Variants in MCTP2 observed in about 807,000 individuals in gnomAD.
The protein encoded by MCTP2 is multiple C2 and transmembrane domain containing 2, also known as multiple C2 and transmembrane domain-containing protein 2.
In MCTP2, 132 loss-of-function variants were observed where a neutral mutation model predicts 111.6. The observed-to-expected ratio is 1.18, with a 90% CI of 1.03 to 1.37. MCTP2 has a LOEUF of 1.37. Ranked by LOEUF, MCTP2 falls within the 40% of genes most tolerant of loss-of-function variation. MCTP2 has a pLI of 0.00. For missense variants in MCTP2, 1,183 were observed against 1,067.9 expected (o/e 1.11, Z -1.50); for synonymous variants, 395 against 387.7 (o/e 1.02, Z -0.22).
chr15:94,360,779 TTTCCTGTTTA>T (rs1432618560), intron 10 of MCTP2, among the ~76,000 whole-genome samples: 2 of 152,114 alleles, frequency 1.3e-5, no homozygotes, highest in African/African-American at 4.8e-5. Context: ...ATTTTAGCTA[TTTCCTGTTTA>T]TAACCGAGAC....
At chr15:94,383,119 C>T (rs1198606762) in intron 12 of MCTP2, among the ~76,000 whole-genome samples, 1 of 152,100 alleles carries the variant, frequency 6.6e-6, no homozygotes, top group Non-Finnish European at 1.5e-5. Context: ...TTTTATGACA[C>T]CAGAAATGTA....
intron 1 of MCTP2, among the ~76,000 whole-genome samples, chr15:94,263,143 A>C (rs982878122): frequency 9.2e-5 from 14 of 152,222 alleles, no homozygotes; most frequent in Non-Finnish European, 1.6e-4. Flanking sequence ...TCATGACTTC[A>C]TAGTAGAATA....
At chr15:94,453,368 A>C (rs919982177) in intron 19 of MCTP2, among the ~76,000 whole-genome samples, 1 of 152,232 alleles carries the variant, frequency 6.6e-6, no homozygotes, top group Non-Finnish European at 1.5e-5. Flanking sequence ...ATAATAAAAC[A>C]AACTGCTCTC....
intron 2 of MCTP2, among the ~76,000 whole-genome samples, chr15:94,302,440 G>A (rs1002686585): frequency 1.3e-5 from 2 of 152,168 alleles, no homozygotes; most frequent in Non-Finnish European, 2.9e-5. Context: ...AGCATGAGGG[G>A]CAAGGAAGAA....
intron 1 of MCTP2, among the ~76,000 whole-genome samples, chr15:94,269,955 C>T (rs1384094784): frequency 6.6e-6 from 1 of 151,910 alleles, no homozygotes; most frequent in Non-Finnish European, 1.5e-5. Flanking sequence ...TATATTGTAA[C>T]ATTTTTTTTC....
intron 19 of MCTP2, among the ~76,000 whole-genome samples, chr15:94,452,551 AT>A (rs2084529375): frequency 6.6e-6 from 1 of 151,980 alleles, no homozygotes; most frequent in Non-Finnish European, 1.5e-5. Flanking sequence ...CTGATAAACT[AT>A]TTTTTTCCTG....
chr15:94,442,334 A>C (rs564012352), intron 18 of MCTP2, among the ~76,000 whole-genome samples: 1 of 152,348 alleles, frequency 6.6e-6, no homozygotes, highest in East Asian at 1.9e-4. Flanking sequence ...GTGCTGTGGC[A>C]CCTGAGCTAA....
chr15:94,251,590 G>T (rs1021925932), intron 1 of MCTP2, among the ~76,000 whole-genome samples: 2 of 152,080 alleles, frequency 1.3e-5, no homozygotes, highest in South Asian at 2.1e-4. Context: ...AACTCCCGAC[G>T]TCGGGTGATC....
intron 8 of MCTP2, among the ~76,000 whole-genome samples, chr15:94,350,342 C>T (rs527757793): frequency 2.6e-5 from 4 of 152,272 alleles, no homozygotes; most frequent in African/African-American, 7.2e-5. Flanking sequence ...AATCCCAGCA[C>T]TTTGGGAGGC....
At chr15:94,387,472 A>T (rs1379883975) in intron 14 of MCTP2, among the ~76,000 whole-genome samples, 2 of 152,178 alleles carry the variant, frequency 1.3e-5, no homozygotes, top group Non-Finnish European at 2.9e-5. Flanking sequence ...TATCTTTCAA[A>T]ATACAAGGTA....
At chr15:94,461,117 A>C (rs533033615) in intron 20 of MCTP2, among the ~76,000 whole-genome samples, 1 of 152,244 alleles carries the variant, frequency 6.6e-6, no homozygotes, top group South Asian at 2.1e-4. Flanking sequence ...CCCTAATATT[A>C]CACAAATTTT....
intron 1 of MCTP2, among the ~76,000 whole-genome samples, chr15:94,260,069 T>C (rs980904782): frequency 6.6e-6 from 1 of 152,202 alleles, no homozygotes; most frequent in African/African-American, 2.4e-5. Flanking sequence ...ATTTGCTTTA[T>C]CTCTGGAATA....
intron 8 of MCTP2, among the ~76,000 whole-genome samples, chr15:94,347,378 A>G (rs771882642): frequency 3.0e-4 from 45 of 152,208 alleles, no homozygotes; most frequent in Non-Finnish European, 4.4e-4. Flanking sequence ...CACTAGTCCT[A>G]AGGAATGTAT....
intron 17 of MCTP2, among the ~76,000 whole-genome samples, chr15:94,423,998 G>C (rs2082752430): frequency 6.6e-6 from 1 of 152,080 alleles, no homozygotes; most frequent in South Asian, 2.1e-4. Flanking sequence ...CCTCCTTCCT[G>C]CTTTGTCCCC....
chr15:94,242,966 TATGTGTATCTACACATACAC>T (rs1567248543), intron 1 of MCTP2, among the ~76,000 whole-genome samples: 2 of 115,980 alleles, frequency 1.7e-5, no homozygotes, highest in East Asian at 5.1e-4. Context: ...TACACGTGTA[TATGTGTATCTACACATACAC>T]GTGTATATGT....
chr15:94,483,153 A>G lies in MCTP2; in HGVS notation c.*4119A>G, dbSNP rs1318742689. 1 of 152,218 alleles carries G rather than the reference A, an allele frequency of 6.6e-6. No homozygotes were observed. Among genetic ancestry groups the G allele is most frequent in the East Asian group, 1.9e-4 (1 of 5,198 alleles). The allele number at this position is 152,218 out of a possible 1,614,324, so 9.4% of individuals were successfully genotyped here. On this transcript the variant is annotated 3_prime_UTR_variant, in exon 23 of 23. Transcript: ENST00000357742. ...AAGAAAACAGAGGTGTCATGACCTC[A>G]GTGTAACCCTATTAGCTGCAAAAAA...
chr15:94,471,670 TTTTG>T (rs1184344408), intron 21 of MCTP2, among the ~76,000 whole-genome samples: 5 of 152,126 alleles, frequency 3.3e-5, no homozygotes, highest in African/African-American at 1.2e-4. Flanking sequence ...TGTTGGTATT[TTTTG>T]TTTACTTGGC....
At chr15:94,244,894 A>G (rs570321197) in intron 1 of MCTP2, among the ~76,000 whole-genome samples, 58 of 145,996 alleles carry the variant, frequency 4.0e-4, no homozygotes, top group Admixed American at 3.9e-3. Flanking sequence ...GTATATGTAT[A>G]CACATACATA....
chr15:94,372,187 G>A (rs1292481318), intron 12 of MCTP2, among the ~76,000 whole-genome samples: 1 of 152,230 alleles, frequency 6.6e-6, no homozygotes, highest in Non-Finnish European at 1.5e-5. Flanking sequence ...ATAATGCTGT[G>A]TGGTTCGACT....
Sources: allele counts gnomAD v4.1 joint callset (sites outside exome capture counted in the v4.1 genomes callset), GRCh38; gene constraint gnomAD v4.1.1; transcripts MANE v1.5; gene names NCBI Gene and HGNC (gene_info 2026-07-23, HGNC 2026-07-21).